The following PCDH15 variants were observed in gnomAD, a reference collection of about 807,000 sequenced individuals.
PCDH15 encodes the protein protocadherin-15.
PCDH15 carries 129 observed loss-of-function variants against 178.5 expected under a neutral mutation model. The ratio of observed to expected loss-of-function variants is 0.72; its 90% CI spans 0.63 to 0.84. The LOEUF (loss-of-function observed/expected upper bound fraction) is 0.84, where lower values mean the gene tolerates loss of function less well. PCDH15 is among the 40% of genes least tolerant of loss of function. The pLI, the probability that PCDH15 is intolerant of heterozygous loss-of-function variation, is 0.00. For missense variants in PCDH15, 2,230 were observed against 2,099.9 expected (o/e 1.06, Z -1.21); for synonymous variants, 800 against 732.0 (o/e 1.09, Z -1.50).
intron 2 of PCDH15, among the ~76,000 whole-genome samples, chr10:55,135,584 T>C (rs1342632679): frequency 3.8e-5 from 5 of 133,258 alleles, no homozygotes; most frequent in South Asian, 2.6e-4. Flanking sequence ...CTTTTTTTTT[T>C]TTTTTTTTTT....
chr10:55,185,945 G>A (rs984158931), intron 1 of PCDH15, among the ~76,000 whole-genome samples: 1 of 151,536 alleles, frequency 6.6e-6, no homozygotes, highest in African/African-American at 2.4e-5. Flanking sequence ...ATTTCAATAT[G>A]AAAAAAATAA....
rs370643578 is a variant in PCDH15, at chr10:54,615,788, G to A, written c.91+48384C>T. 1.6e-3 allele frequency among the ~76,000 whole-genome samples: 244 copies of A among 152,122 alleles called. 3 individuals carry two copies. The highest frequency in any genetic ancestry group is 5.8e-3 in the African/African-American group (239 of 41,544). ...CTGAAAAACTTTCTCCATTTATCTT[G>A]AAATATGTAGTATTTCTGTCAAATT... On this transcript the variant is annotated intron_variant, in intron 2 of 37. Coordinates refer to ENST00000644397, the MANE Select transcript of PCDH15 (RefSeq NM_001384140.1).
intron 3 of PCDH15, among the ~76,000 whole-genome samples, chr10:54,517,588 T>G (rs2138036947): frequency 6.6e-6 from 1 of 152,102 alleles, no homozygotes; most frequent in East Asian, 1.9e-4. Flanking sequence ...ACAAAGAGAC[T>G]TAGACTCCCA....
In PCDH15 at chr10:55,424,440, A is replaced by C. The variant is rs145667471; in HGVS notation, c.-156+203185T>G. Among the ~76,000 whole-genome samples the C allele has an allele frequency of 1.6e-4, 25 of 152,300 alleles. No individual in the cohort carries two copies. In the East Asian group the frequency reaches 4.8e-3, roughly 29 times the overall value. The stretch of plus-strand genomic sequence containing the variant: ...TTCTGTCCTGGTCTTACACTATGAA[A>C]GGTCTCACATATTGCAAATATTAAT... On this transcript the variant is annotated intron_variant, in intron 2 of 5. Coordinates refer to the PCDH15 transcript ENST00000613346.
intron 13 of PCDH15, among the ~76,000 whole-genome samples, chr10:54,155,831 T>C (rs2045078056): frequency 6.6e-6 from 1 of 151,476 alleles, no homozygotes; most frequent in African/African-American, 2.4e-5. Flanking sequence ...TCAACGACAT[T>C]ACACAGTAGA....
intron 2 of PCDH15, among the ~76,000 whole-genome samples, chr10:55,436,886 C>A (rs898480177): frequency 6.6e-6 from 1 of 152,090 alleles, no homozygotes; most frequent in African/African-American, 2.4e-5. Flanking sequence ...AATTTTGCCA[C>A]CATTACAACA....
At chr10:54,707,220 A>G (rs1321157901) in intron 1 of PCDH15, among the ~76,000 whole-genome samples, 3 of 152,156 alleles carry the variant, frequency 2.0e-5, no homozygotes, top group African/African-American at 7.2e-5. Flanking sequence ...AGAGAAATTA[A>G]GTAAGACTCA....
intron 2 of PCDH15, among the ~76,000 whole-genome samples, chr10:54,957,452 T>C (rs1036352639): frequency 2.0e-5 from 3 of 151,652 alleles, no homozygotes; most frequent in African/African-American, 7.2e-5. Context: ...TAAAAGGTTT[T>C]TTTCCTCCAC....
chr10:54,222,981 A>AT (rs1014539205), intron 9 of PCDH15, among the ~76,000 whole-genome samples: 1 of 152,038 alleles, frequency 6.6e-6, no homozygotes, highest in Non-Finnish European at 1.5e-5. Context: ...CAAATTTTAA[A>AT]TTTTTTCTTT....
At chr10:55,582,981 G>A (rs1300663985) in intron 2 of PCDH15, among the ~76,000 whole-genome samples, 4 of 151,990 alleles carry the variant, frequency 2.6e-5, no homozygotes. Context: ...TGATGAAATT[G>A]TCATAAATTA....
intron 2 of PCDH15, among the ~76,000 whole-genome samples, chr10:54,544,185 A>C (rs1237002959): frequency 1.3e-5 from 2 of 152,156 alleles, no homozygotes; most frequent in Non-Finnish European, 2.9e-5. Context: ...AGTTTAGCAA[A>C]AGGGACTTTG....
chr10:53,838,882 T>C (rs1363875370), intron 29 of PCDH15, among the ~76,000 whole-genome samples: 2 of 148,200 alleles, frequency 1.3e-5, no homozygotes, highest in Non-Finnish European at 3.0e-5. Flanking sequence ...TAGTATCCTG[T>C]TTTGCACATG....
At chr10:54,456,388 T>G (rs186453156) in intron 3 of PCDH15, among the ~76,000 whole-genome samples, 1 of 152,272 alleles carries the variant, frequency 6.6e-6, no homozygotes, top group East Asian at 1.9e-4. Context: ...TTAATGACTG[T>G]CCTATTGGAT....
At chr10:55,140,117 C>T (rs1015715980) in intron 2 of PCDH15, among the ~76,000 whole-genome samples, 1 of 151,840 alleles carries the variant, frequency 6.6e-6, no homozygotes, top group African/African-American at 2.4e-5. Flanking sequence ...TTTATTTGGT[C>T]TCCTGTGACG....
chr10:54,839,874 A>G (rs556867925), intron 3 of PCDH15, among the ~76,000 whole-genome samples: 53 of 152,154 alleles, frequency 3.5e-4, no homozygotes, highest in African/African-American at 1.2e-3. Context: ...AAAGTGCTGA[A>G]GGAAAAAAAA....
At chr10:54,642,451 T>C (rs182352942) in intron 2 of PCDH15, among the ~76,000 whole-genome samples, 1 of 152,320 alleles carries the variant, frequency 6.6e-6, no homozygotes, top group African/African-American at 2.4e-5. Flanking sequence ...GAGGCTTATA[T>C]ATTATTCCCT....
intron 1 of PCDH15, among the ~76,000 whole-genome samples, chr10:54,796,274 G>GTATC (rs1319257760): frequency 0.038 from 2,123 of 56,182 alleles, 28 homozygotes; most frequent in Middle Eastern, 0.059. Context: ...ATCTATCTAT[G>GTATC]TATCTATGTA....
At chr10:55,110,723 A>G (rs545081075) in intron 2 of PCDH15, among the ~76,000 whole-genome samples, 1 of 152,148 alleles carries the variant, frequency 6.6e-6, no homozygotes, top group East Asian at 1.9e-4. Flanking sequence ...CTGACCTAAA[A>G]AGAGTTTAAC....
At chr10:54,455,821 G>A (rs1451860455) in intron 3 of PCDH15, among the ~76,000 whole-genome samples, 1 of 152,102 alleles carries the variant, frequency 6.6e-6, no homozygotes, top group Non-Finnish European at 1.5e-5. Flanking sequence ...GCAGCCTCAG[G>A]ACATGGTGCT....
Sources: allele counts gnomAD v4.1 joint callset (sites outside exome capture counted in the v4.1 genomes callset), GRCh38; gene constraint gnomAD v4.1.1; transcripts MANE v1.5; gene names NCBI Gene and HGNC (gene_info 2026-07-23, HGNC 2026-07-21).